The following DHX35 variants were observed in gnomAD, a reference collection of about 807,000 sequenced individuals.
DHX35 encodes DEAH-box helicase 35.
In DHX35, 84 loss-of-function variants were observed where a neutral mutation model predicts 99.6. That is an observed-to-expected ratio of 0.84 (90% CI 0.71 to 1.01). The LOEUF is 1.01. DHX35 is among the 50% of genes least tolerant of loss of function. DHX35 has a pLI of 0.00. For synonymous variants in DHX35, 331 were observed against 316.2 expected, an observed-to-expected ratio of 1.05 and a Z score of -0.50; for missense variants, 852 against 888.5, an observed-to-expected ratio of 0.96 and a Z score of 0.52.
rs1809195514 is a variant in DHX35 at position 39,021,895 on chromosome 20, A to G, written c.1553A>G (p.Gln518Arg). The G allele has an allele frequency of 6.2e-7, 1 of 1,614,064 alleles. No individual in the cohort carries two copies. The highest frequency in any genetic ancestry group is 8.5e-7 in the Non-Finnish European group (1 of 1,180,018). The stretch of plus-strand genomic sequence containing the variant: ...AGCATCGCTGCCATGATGCAGATCC[A>G]GAATATCTTTGTGGTCCCCCCAAAC... ...ILSIAAMMQI[Q>R]NIFVVPPNQK... Residue 518 changes from glutamine to arginine, a missense_variant, in exon 16 of 22, where the codon CAG becomes CGG. Transcript: ENST00000252011.
At chr20:39,014,743 C>CAGCAAGAA in intron 13 of DHX35, 137 bp from the exon 14 acceptor site, 1 of 1,060,602 alleles carries the variant, frequency 9.4e-7, no homozygotes, top group Non-Finnish European at 1.4e-6. Context: ...GAGGTGCCAA[C>CAGCAAGAA]AGCAAGAACA....
chr20:39,035,161 T>A (rs1329792790), intron 21 of DHX35, among the ~76,000 whole-genome samples: 1 of 152,196 alleles, frequency 6.6e-6, no homozygotes, highest in Non-Finnish European at 1.5e-5. Context: ...AACCTCTGCT[T>A]CCCAGGTTCA....
At chr20:38,980,960 T>C (rs2086162722) in intron 3 of DHX35, among the ~76,000 whole-genome samples, 1 of 152,222 alleles carries the variant, frequency 6.6e-6, no homozygotes, top group South Asian at 2.1e-4. Flanking sequence ...GGGATTTACT[T>C]TGTAGAATGT....
At chr20:38,980,234 A>C (rs1230240541) in intron 3 of DHX35, among the ~76,000 whole-genome samples, 1 of 152,146 alleles carries the variant, frequency 6.6e-6, no homozygotes, top group African/African-American at 2.4e-5. Context: ...GAGATTGGCT[A>C]TGTGTGTTTG....
chr20:38,982,835 T>G (rs2086193646), intron 3 of DHX35, among the ~76,000 whole-genome samples: 1 of 152,214 alleles, frequency 6.6e-6, no homozygotes, highest in Non-Finnish European at 1.5e-5. Context: ...TGATAACCAC[T>G]GTTATCCGTA....
intron 14 of DHX35, among the ~76,000 whole-genome samples, chr20:39,017,667 A>G (rs1279051405): frequency 6.6e-6 from 1 of 152,182 alleles, no homozygotes. Flanking sequence ...GTAGTAAAAC[A>G]GTAGTCTATA....
chr20:38,993,091 T>C (rs751887803), intron 7 of DHX35, among the ~76,000 whole-genome samples: 12 of 151,988 alleles, frequency 7.9e-5, no homozygotes, highest in Non-Finnish European at 1.6e-4. Flanking sequence ...TTTGGACAGA[T>C]TCCCAATTAG....
At chr20:39,035,690 A>G (rs2087139590) in intron 21 of DHX35, among the ~76,000 whole-genome samples, 1 of 152,172 alleles carries the variant, frequency 6.6e-6, no homozygotes, top group African/African-American at 2.4e-5. Flanking sequence ...TGTTAGTGAC[A>G]TCGCCAGGTG....
At chr20:38,981,883 G>C (rs2086179277) in intron 3 of DHX35, among the ~76,000 whole-genome samples, 1 of 150,014 alleles carries the variant, frequency 6.7e-6, no homozygotes, top group Non-Finnish European at 1.5e-5. Flanking sequence ...GTCGGAGGTT[G>C]CAGTGAGCCG....
At chr20:39,015,194 CT>C (rs1198036540) in intron 14 of DHX35, among the ~76,000 whole-genome samples, 2 of 152,138 alleles carry the variant, frequency 1.3e-5, no homozygotes, top group Non-Finnish European at 2.9e-5. Context: ...GGCTACACTC[CT>C]AAGAGATGTC....
chr20:39,030,133 C>T (rs1158914933), intron 19 of DHX35: 1 of 152,432 alleles, frequency 6.6e-6, no homozygotes, highest in African/African-American at 2.4e-5. Flanking sequence ...GCATGTGACA[C>T]CACACCCAAC....
At chr20:39,022,876 G>A (rs940915890) in intron 16 of DHX35, among the ~76,000 whole-genome samples, 2 of 152,132 alleles carry the variant, frequency 1.3e-5, no homozygotes, top group African/African-American at 2.4e-5. Context: ...GTAGGTCAGA[G>A]ATGAGTTCAA....
intron 1 of DHX35, 76 bp downstream of exon 1, chr20:38,962,483 G>A (rs2085846671): frequency 6.4e-7 from 1 of 1,554,260 alleles, no homozygotes; most frequent in Non-Finnish European, 8.7e-7. Flanking sequence ...GCGCCCTGGG[G>A]CCAGCAGACC....
chr20:39,005,308 A>G (rs928235036), intron 11 of DHX35, among the ~76,000 whole-genome samples: 10 of 152,168 alleles, frequency 6.6e-5, no homozygotes, highest in Non-Finnish European at 1.5e-4. Context: ...ATATGATTGC[A>G]TATCTGCCTC....
chr20:38,999,301 C>T (rs1328267609), intron 8 of DHX35, among the ~76,000 whole-genome samples: 1 of 151,986 alleles, frequency 6.6e-6, no homozygotes, highest in Non-Finnish European at 1.5e-5. Flanking sequence ...CTGCTGACTT[C>T]CCTCTCCTAC....
chr20:38,966,660 A>G (rs561856551), intron 1 of DHX35, among the ~76,000 whole-genome samples: 14 of 152,344 alleles, frequency 9.2e-5, no homozygotes, highest in African/African-American at 3.1e-4. Context: ...CAGAGACTCC[A>G]TCTCCAAAAA....
chr20:39,028,921 T>G lies in DHX35; in HGVS notation c.1883+422T>G, dbSNP rs562380886. Among the ~76,000 whole-genome samples the G allele has an allele frequency of 2.0e-5, 3 of 152,344 alleles. No individual in the cohort carries two copies. In the East Asian group the frequency reaches 5.8e-4, roughly 29 times the overall value. On this transcript the variant is annotated intron_variant, in intron 19 of 21. Transcript: ENST00000252011. ...TATAGTGTGGCCACGTCTGGTGTCT[T>G]TGGAGGTAGCCAGGTGTTTCTCATG...
At chr20:39,010,207 T>C in intron 12 of DHX35, 73 bp from the exon 13 acceptor site, 1 of 1,608,832 alleles carries the variant, frequency 6.2e-7, no homozygotes, top group South Asian at 1.1e-5. Context: ...GAGAAGAAAA[T>C]TTGTCCCTTG....
In DHX35 at chr20:39,001,828, C is replaced by CT. The variant is rs1568737578; in HGVS notation, c.745dup (p.Tyr249LeufsTer75). 1 of 1,610,768 alleles carries CT rather than the reference C, an allele frequency of 6.2e-7. No individual in the cohort carries two copies. The highest frequency in any genetic ancestry group is 1.7e-5 in the Admixed American group (1 of 59,870). On this transcript the variant is annotated frameshift_variant, in exon 9 of 22. Transcript: ENST00000252011. LOFTEE classifies it high-confidence loss of function. ...AAGGGAGAACATTTCCGGTGGATATCTTTTATCTACAAAGGTTTGATGATG... is the reference window on the plus strand; with the variant it reads ...AAGGGAGAACATTTCCGGTGGATATCTTTTTATCTACAAAGGTTTGATGATG...
Sources: gnomAD v4.1 joint callset for allele counts (sites outside exome capture counted in the v4.1 genomes callset) on GRCh38, gnomAD v4.1.1 for gene constraint, MANE v1.5 for transcripts, NCBI Gene and HGNC (gene_info 2026-07-23, HGNC 2026-07-21) for gene names.